The following ABHD18 variants were observed in gnomAD, a reference collection of about 807,000 sequenced individuals.
ABHD18 encodes cardiolipin-specific deacylase, mitochondrial.
ABHD18 carries 55 observed loss-of-function variants against 65.9 expected under a neutral mutation model. The ratio of observed to expected loss-of-function variants is 0.84; its 90% CI spans 0.67 to 1.05. The LOEUF is 1.05. Ranked by LOEUF, ABHD18 falls within the 50% of genes least tolerant of loss-of-function variation. The probability of loss-of-function intolerance (pLI) is 0.00; values close to 1 mark genes in which losing one functional copy is unlikely to be tolerated. For missense variants in ABHD18, 533 were observed against 558.5 expected, an observed-to-expected ratio of 0.95 and a Z score of 0.46; for synonymous variants, 181 against 180.2, an observed-to-expected ratio of 1.00 and a Z score of -0.04.
chr4:127,988,157 A>G (rs1750308714), intron 3 of ABHD18, among the ~76,000 whole-genome samples: 1 of 152,336 alleles, frequency 6.6e-6, no homozygotes, highest in Non-Finnish European at 1.5e-5. Flanking sequence ...GTCAGTTGCA[A>G]AAATATGTGG....
Position 128,028,665 on chromosome 4 carries a change from T to G in ABHD18, c.992T>G (p.Leu331Trp), listed in dbSNP as rs753277762. 2.5e-6 allele frequency: 4 copies of G among 1,613,866 alleles called. No individual in the cohort carries two copies. Among genetic ancestry groups the G allele is most frequent in the African/African-American group, 2.7e-5 (2 of 75,044 alleles). Residue 331 changes from leucine to tryptophan, a missense_variant, in exon 11 of 13, where the codon TTG (leucine) becomes TGG (tryptophan). This residue lies in a region of ABHD18 where 220 missense variants were observed against 226.8 expected (regional missense o/e 0.97). Transcript: ENST00000645843. ...SVSATSEGLL[L>W]QDTSKMKRFN... ...AGTGCGACATCAGAAGGACTCTTAT[T>G]GCAAGATACCTCTAAGATGAAGCGC...
At chr4:128,017,280 G>A in intron 7 of ABHD18, 83 bp from the exon 8 acceptor site, 3 of 1,337,250 alleles carry the variant, frequency 2.2e-6, no homozygotes, top group Non-Finnish European at 3.1e-6. Context: ...GATGCATGAA[G>A]TCTGGCAGCC....
chr4:127,977,981 AACTC>A (rs1036787949), intron 1 of ABHD18, among the ~76,000 whole-genome samples: 26 of 152,272 alleles, frequency 1.7e-4, no homozygotes, highest in African/African-American at 6.3e-4. Context: ...AGAAGACTAA[AACTC>A]ACAATGCTAT....
chr4:128,033,049 C>T (rs1439125634), intron 12 of ABHD18, among the ~76,000 whole-genome samples: 2 of 152,018 alleles, frequency 1.3e-5, no homozygotes, highest in Admixed American at 1.3e-4. Flanking sequence ...GCCAGGAGAT[C>T]AAGACCATCC....
chr4:127,996,218 C>A (rs11941245), intron 4 of ABHD18, among the ~76,000 whole-genome samples: 5,146 of 152,160 alleles, frequency 0.034, 291 homozygotes, highest in African/African-American at 0.12. Flanking sequence ...TGTTCAGATA[C>A]ATAGTATTCA....
intron 1 of ABHD18, among the ~76,000 whole-genome samples, chr4:127,980,343 T>C (rs1207598852): frequency 1.3e-5 from 2 of 152,202 alleles, no homozygotes; most frequent in Non-Finnish European, 2.9e-5. Context: ...ACTTCCAACC[T>C]GCAGAATTTT....
Position 127,966,702 on chromosome 4 carries a change from C to CAAAAAAAAAAAAAAA in ABHD18, c.-18+1118_-18+1132dup, listed in dbSNP as rs70966065. 3.7e-4 allele frequency among the ~76,000 whole-genome samples: 8 copies of CAAAAAAAAAAAAAAA among 21,540 alleles called. 4 individuals are homozygous for CAAAAAAAAAAAAAAA. Among genetic ancestry groups the CAAAAAAAAAAAAAAA allele is most frequent in the Non-Finnish European group, 4.9e-4 (6 of 12,288 alleles). 14.1% of individuals were successfully genotyped at this position (21,540 alleles called of 152,430 possible). On this transcript the variant is annotated intron_variant, in intron 1 of 12. Coordinates refer to ENST00000645843, the MANE Select transcript of ABHD18 (RefSeq NM_001358451.3). ...TGAAACCCCGTCTCTACTAAAAATACAAAAAAAAAAAAAAAAAAAAAAAAA... is the reference window on the plus strand; with the variant it reads ...TGAAACCCCGTCTCTACTAAAAATACAAAAAAAAAAAAAAAAAAAAAAAAAAAAAAAAAAAAAAAA...
intron 2 of ABHD18, among the ~76,000 whole-genome samples, chr4:127,983,942 A>G (rs890451516): frequency 4.6e-5 from 7 of 151,900 alleles, no homozygotes; most frequent in African/African-American, 1.7e-4. Flanking sequence ...GGGAGAGTGA[A>G]GCAGGAGAAT....
chr4:127,981,404 TAG>T (rs1749024338), intron 1 of ABHD18, among the ~76,000 whole-genome samples: 2 of 95,816 alleles, frequency 2.1e-5, no homozygotes, highest in Non-Finnish European at 5.5e-5. Flanking sequence ...CTTATTTTGA[TAG>T]TTAGATAGAT....
rs1258036432 is a variant in ABHD18, at chr4:128,039,416, C to T, written c.*3603C>T. The stretch of plus-strand genomic sequence containing the variant: ...TTGCCACAGCCTACTGGACTTCCCT[C>T]TTATATCAGACAACTTCTCTACTTT... On this transcript the variant is annotated 3_prime_UTR_variant, in exon 13 of 13. Coordinates refer to ENST00000645843, the MANE Select transcript of ABHD18 (RefSeq NM_001358451.3). 1.3e-5 allele frequency: 2 copies of T among 151,922 alleles called. No individual in the cohort carries two copies. Among genetic ancestry groups the T allele is most frequent in the Non-Finnish European group, 2.9e-5 (2 of 67,954 alleles). The allele number at this position is 151,922 out of a possible 1,614,324, so 9.4% of individuals were successfully genotyped here.
At chr4:128,019,025 A>G (rs963070188) in intron 8 of ABHD18, among the ~76,000 whole-genome samples, 4 of 151,990 alleles carry the variant, frequency 2.6e-5, no homozygotes, top group African/African-American at 9.7e-5. Flanking sequence ...AAAAAAAAAA[A>G]AAAAAAAATT....
intron 1 of ABHD18, among the ~76,000 whole-genome samples, chr4:127,981,415 A>T (rs1749029237): frequency 6.6e-6 from 1 of 152,040 alleles, no homozygotes; most frequent in Non-Finnish European, 1.5e-5. Context: ...AGTTAGATAG[A>T]TTTTTTAATT....
At chr4:127,979,850 A>G (rs1400148755) in intron 1 of ABHD18, among the ~76,000 whole-genome samples, 1 of 137,602 alleles carries the variant, frequency 7.3e-6, no homozygotes, top group African/African-American at 2.7e-5. Context: ...AAGGAGGTAG[A>G]GGTTGCATTG....
At chr4:127,997,242 G>A (rs141981683) in intron 4 of ABHD18, among the ~76,000 whole-genome samples, 68 of 152,248 alleles carry the variant, frequency 4.5e-4, no homozygotes, top group East Asian at 2.3e-3. Flanking sequence ...GGCTCCAGCC[G>A]GTCCCTCCAT....
intron 1 of ABHD18, among the ~76,000 whole-genome samples, chr4:127,969,389 CG>C (rs1746297214): frequency 6.6e-6 from 1 of 151,462 alleles, no homozygotes; most frequent in Non-Finnish European, 1.5e-5. Flanking sequence ...TTAATAGAGA[CG>C]GGGTTTCTCC....
chr4:128,004,011 T>C (rs1367082517), intron 4 of ABHD18, among the ~76,000 whole-genome samples: 1 of 151,896 alleles, frequency 6.6e-6, no homozygotes, highest in African/African-American at 2.4e-5. Flanking sequence ...TAGAATTCAC[T>C]GATTTTTTAA....
In ABHD18 at chr4:128,028,856, A is replaced by G; in HGVS notation, c.1180+3A>G. 6.6e-7 allele frequency: 1 copy of G among 1,524,274 alleles called. No individual in the cohort carries two copies. Among genetic ancestry groups the G allele is most frequent in the Non-Finnish European group, 8.8e-7 (1 of 1,138,210 alleles). The allele number at this position is 1,524,274 out of a possible 1,614,324, so 94.4% of individuals were successfully genotyped here. ...TACTCATGTAGCAAATTTCTCAGGT[A>G]CTAATTTTTATATGAAATTGAGAAT... On this transcript the variant is annotated splice_donor_region_variant and intron_variant, in intron 11 of 12. Transcript: ENST00000645843.
At chr4:128,011,275 C>T (rs112763197) in intron 6 of ABHD18, among the ~76,000 whole-genome samples, 13 of 151,714 alleles carry the variant, frequency 8.6e-5, no homozygotes, top group East Asian at 1.9e-4. Flanking sequence ...CAGCCTCCCG[C>T]GTAGCTGACA....
chr4:127,980,978 TA>T (rs1748934914), intron 1 of ABHD18, among the ~76,000 whole-genome samples: 1 of 152,164 alleles, frequency 6.6e-6, no homozygotes, highest in Non-Finnish European at 1.5e-5. Context: ...CTTTCCCTTA[TA>T]TGAATTATCT....
Sources: gnomAD v4.1 joint callset for allele counts (sites outside exome capture counted in the v4.1 genomes callset) on GRCh38, gnomAD v4.1.1 for gene constraint, gnomAD v4.1.1 regional missense constraint, MANE v1.5 for transcripts, NCBI Gene and HGNC (gene_info 2026-07-23, HGNC 2026-07-21) for gene names.